Variants in GPHN observed in about 807,000 individuals in gnomAD.
The protein encoded by GPHN is gephyrin.
GPHN carries 17 observed loss-of-function variants against 95.5 expected under a neutral mutation model. The ratio of observed to expected loss-of-function variants is 0.18; its 90% CI spans 0.12 to 0.27. GPHN has a LOEUF of 0.27. Among genes scored for constraint, GPHN ranks in the 10% least tolerant of loss-of-function variants. GPHN has a pLI of 1.00. For synonymous variants in GPHN, 320 were observed against 322.5 expected (o/e 0.99, Z 0.08); for missense variants, 660 against 978.1 (o/e 0.67, Z 4.34).
At chr14:66,589,550 CAAAG>C (rs771423485) in intron 1 of GPHN, among the ~76,000 whole-genome samples, 9 of 151,264 alleles carry the variant, frequency 5.9e-5, no homozygotes, top group South Asian at 2.1e-4. Flanking sequence ...AAAAAAAAGA[CAAAG>C]AAGGGCTTTT....
At chr14:66,546,617 C>G (rs566589083) in intron 1 of GPHN, among the ~76,000 whole-genome samples, 3 of 152,100 alleles carry the variant, frequency 2.0e-5, no homozygotes, top group Non-Finnish European at 4.4e-5. Context: ...CAAAAAAATA[C>G]GAAAACCAGT....
intron 2 of GPHN, among the ~76,000 whole-genome samples, chr14:66,743,152 A>G (rs2072939980): frequency 6.6e-6 from 1 of 151,382 alleles, no homozygotes; most frequent in Non-Finnish European, 1.5e-5. Context: ...CCTCCCTTAC[A>G]TCTGAGGGAC....
intron 8 of GPHN, among the ~76,000 whole-genome samples, chr14:66,948,631 G>A (rs1465699886): frequency 6.6e-6 from 1 of 151,942 alleles, no homozygotes; most frequent in African/African-American, 2.4e-5. Flanking sequence ...TTTTTTTTAG[G>A]CTAGGCCATT....
At chr14:67,566,432 AT>A in the GPHN span, among the ~76,000 whole-genome samples, 26 of 152,258 alleles carry the variant, frequency 1.7e-4, no homozygotes, top group Admixed American at 1.7e-3. Context: ...AAATACAGCC[AT>A]TCACTGTGAT....
the GPHN span, among the ~76,000 whole-genome samples, chr14:67,210,659 T>C: frequency 6.6e-6 from 1 of 151,896 alleles, no homozygotes; most frequent in Admixed American, 6.6e-5. Context: ...CATATAATTG[T>C]AAAAGTAAAT....
chr14:67,037,208 T>G (rs1232334116), intron 10 of GPHN, among the ~76,000 whole-genome samples: 1 of 151,996 alleles, frequency 6.6e-6, no homozygotes, highest in Non-Finnish European at 1.5e-5. Context: ...CAATAAACGT[T>G]GTTGGGAAAA....
intron 2 of GPHN, among the ~76,000 whole-genome samples, chr14:66,729,394 C>T (rs1044477905): frequency 1.3e-5 from 2 of 151,974 alleles, no homozygotes; most frequent in Non-Finnish European, 2.9e-5. Flanking sequence ...AAATCATGAA[C>T]GAAGATCTAG....
the GPHN span, chr14:67,585,500 C>G: frequency 9.1e-7 from 1 of 1,100,042 alleles, no homozygotes; most frequent in Non-Finnish European, 1.3e-6. Context: ...CCTTCTTTCT[C>G]AGAAAGTTAT....
intron 2 of GPHN, among the ~76,000 whole-genome samples, chr14:66,772,177 A>G (rs139642649): frequency 6.6e-6 from 1 of 151,650 alleles, no homozygotes; most frequent in African/African-American, 2.4e-5. Flanking sequence ...CCAAATTCTC[A>G]ATGTGTATGT....
At chr14:67,729,362 T>C in the GPHN span, 5 of 1,597,826 alleles carry the variant, frequency 3.1e-6, no homozygotes, top group Non-Finnish European at 4.2e-6. Context: ...CTGGAGCCCC[T>C]GAGTGGCAAG....
At chr14:67,616,027 A>G in the GPHN span, 14 of 308,726 alleles carry the variant, frequency 4.5e-5, no homozygotes, top group Non-Finnish European at 8.9e-5. Context: ...AAAAGCAAGA[A>G]AAAGAAAGAA....
chr14:66,903,972 C>T (rs1567082369), intron 5 of GPHN, among the ~76,000 whole-genome samples: 1 of 152,108 alleles, frequency 6.6e-6, no homozygotes, highest in Non-Finnish European at 1.5e-5. Flanking sequence ...CATTTAGACT[C>T]GTATTGTCTC....
intron 18 of GPHN, among the ~76,000 whole-genome samples, chr14:67,144,250 A>ATTTATGT (rs1555502004): frequency 1.7e-5 from 1 of 57,772 alleles, no homozygotes; most frequent in Admixed American, 3.0e-4. Flanking sequence ...AAAAAAAAAA[A>ATTTATGT]ATATATATAT....
chr14:67,733,638 C>T, the GPHN span: 1 of 739,512 alleles, frequency 1.4e-6, no homozygotes. Flanking sequence ...TTGAGTCTGG[C>T]ATATATTGTA....
At chr14:67,068,279 A>G (rs1357330903) in intron 11 of GPHN, among the ~76,000 whole-genome samples, 1 of 152,132 alleles carries the variant, frequency 6.6e-6, no homozygotes, top group Non-Finnish European at 1.5e-5. Flanking sequence ...CTGTTTTTCT[A>G]TTTTGACTAC....
intron 13 of GPHN, among the ~76,000 whole-genome samples, chr14:67,101,217 A>C (rs1229745085): frequency 6.6e-6 from 1 of 152,174 alleles, no homozygotes; most frequent in Non-Finnish European, 1.5e-5. Flanking sequence ...TGAATAGAAC[A>C]ATTTCTAGGT....
chr14:67,395,420 G>A, the GPHN span: 1 of 1,613,888 alleles, frequency 6.2e-7, no homozygotes, highest in Non-Finnish European at 8.5e-7. Context: ...GATGTGCGGG[G>A]GCAGCTTGAA....
chr14:66,747,407 G>A (rs888991817), intron 2 of GPHN, among the ~76,000 whole-genome samples: 4 of 152,028 alleles, frequency 2.6e-5, no homozygotes, highest in Non-Finnish European at 5.9e-5. Flanking sequence ...TTTGACATGA[G>A]ATAAAGTTTG....
intron 9 of GPHN, among the ~76,000 whole-genome samples, chr14:66,992,492 T>C (rs1384613003): frequency 1.3e-5 from 2 of 152,146 alleles, no homozygotes; most frequent in Non-Finnish European, 2.9e-5. Flanking sequence ...TTTAAATGTT[T>C]AACAATTAAT....
Sources: gnomAD v4.1 joint callset for allele counts (sites outside exome capture counted in the v4.1 genomes callset) on GRCh38, gnomAD v4.1.1 for gene constraint, MANE v1.5 for transcripts, NCBI Gene and HGNC (gene_info 2026-07-23, HGNC 2026-07-21) for gene names.